TEKT1: variants seen among roughly 807,000 people sequenced by gnomAD.
TEKT1 encodes the protein tektin 1.
TEKT1 carries 32 observed loss-of-function variants against 34.8 expected under a neutral mutation model. That is an observed-to-expected ratio of 0.92 (90% CI 0.69 to 1.23). The LOEUF (loss-of-function observed/expected upper bound fraction) is 1.23. Ranked by LOEUF, TEKT1 falls within the 50% of genes most tolerant of loss-of-function variation. The probability of loss-of-function intolerance (pLI) is 0.00; values close to 1 mark genes in which losing one functional copy is unlikely to be tolerated. For synonymous variants in TEKT1, 207 were observed against 199.8 expected, an observed-to-expected ratio of 1.04 and a Z score of -0.30; for missense variants, 492 against 518.5, an observed-to-expected ratio of 0.95 and a Z score of 0.50.
At chr17:6,826,693 A>T (rs1204373972) in intron 2 of TEKT1, among the ~76,000 whole-genome samples, 2 of 146,058 alleles carry the variant, frequency 1.4e-5, no homozygotes, top group South Asian at 2.1e-4. Flanking sequence ...GGTTGGGATT[A>T]TTATTATTTT....
At chr17:6,821,666 AAGAC>A (rs1420415467) in intron 2 of TEKT1, among the ~76,000 whole-genome samples, 1 of 152,178 alleles carries the variant, frequency 6.6e-6, no homozygotes, top group Non-Finnish European at 1.5e-5. Context: ...GGCTCAGAAG[AAGAC>A]AGAAAGTTTT....
intron 2 of TEKT1, 89 bp from the exon 3 acceptor site, chr17:6,819,447 A>G: frequency 1.5e-6 from 2 of 1,340,866 alleles, no homozygotes; most frequent in Non-Finnish European, 1.0e-6. Flanking sequence ...TTGTAAAACC[A>G]CCTGTGACAT....
chr17:6,829,191 A>G (rs572437484), intron 2 of TEKT1, among the ~76,000 whole-genome samples: 1 of 152,322 alleles, frequency 6.6e-6, no homozygotes, highest in East Asian at 1.9e-4. Flanking sequence ...AGGAATTGTC[A>G]AGAGAAAATG....
intron 6 of TEKT1, among the ~76,000 whole-genome samples, chr17:6,806,399 G>A (rs548917093): frequency 6.6e-6 from 1 of 152,272 alleles, no homozygotes; most frequent in South Asian, 2.1e-4. Context: ...ACAGCACACT[G>A]ATGGGTCTTG....
intron 2 of TEKT1, among the ~76,000 whole-genome samples, chr17:6,824,397 C>T (rs1031486903): frequency 6.6e-6 from 1 of 152,106 alleles, no homozygotes; most frequent in African/African-American, 2.4e-5. Flanking sequence ...CTTCATCTCC[C>T]TCTCATCTTC....
At chr17:6,801,665 G>A (rs957920494) in intron 6 of TEKT1, among the ~76,000 whole-genome samples, 104 of 152,188 alleles carry the variant, frequency 6.8e-4, no homozygotes, top group Non-Finnish European at 1.2e-3. Flanking sequence ...CCAAGATCGT[G>A]CCACTGCACT....
intron 5 of TEKT1, among the ~76,000 whole-genome samples, chr17:6,813,311 C>T (rs1432580719): frequency 6.6e-6 from 1 of 151,920 alleles, no homozygotes; most frequent in East Asian, 1.9e-4. Flanking sequence ...TTTCTAATCC[C>T]CATTTTACAG....
chr17:6,813,638 C>G (rs1976959260), intron 5 of TEKT1, among the ~76,000 whole-genome samples: 1 of 150,286 alleles, frequency 6.7e-6, no homozygotes, highest in Non-Finnish European at 1.5e-5. Flanking sequence ...CAAAACCAAC[C>G]TATTACAAGT....
intron 2 of TEKT1, among the ~76,000 whole-genome samples, chr17:6,826,275 T>G (rs1173409702): frequency 2.0e-5 from 3 of 152,210 alleles, no homozygotes; most frequent in Non-Finnish European, 4.4e-5. Flanking sequence ...CTGTCAAGAT[T>G]TGTCCATTTG....
intron 6 of TEKT1, among the ~76,000 whole-genome samples, chr17:6,805,903 G>A (rs958804255): frequency 2.0e-5 from 3 of 152,128 alleles, no homozygotes; most frequent in Non-Finnish European, 4.4e-5. Context: ...GGTCAATTTT[G>A]GAATAAGTGC....
intron 2 of TEKT1, among the ~76,000 whole-genome samples, chr17:6,819,976 C>T (rs960210124): frequency 2.0e-5 from 3 of 152,232 alleles, no homozygotes; most frequent in African/African-American, 7.2e-5. Flanking sequence ...GTGTCAGCCA[C>T]TGCGCCAGGC....
At chr17:6,829,850 T>G (rs543756792) in intron 2 of TEKT1, among the ~76,000 whole-genome samples, 1 of 152,320 alleles carries the variant, frequency 6.6e-6, no homozygotes, top group South Asian at 2.1e-4. Flanking sequence ...ATGATTAATT[T>G]TTGTATCTTT....
chr17:6,826,964 T>G (rs531120647), intron 2 of TEKT1, among the ~76,000 whole-genome samples: 14 of 152,050 alleles, frequency 9.2e-5, no homozygotes, highest in South Asian at 2.1e-4. Context: ...CAAAGTGCTG[T>G]GATTACAGGT....
chr17:6,821,350 G>A (rs1182562816), intron 2 of TEKT1, among the ~76,000 whole-genome samples: 1 of 152,136 alleles, frequency 6.6e-6, no homozygotes, highest in East Asian at 1.9e-4. Flanking sequence ...AGTTTTATAA[G>A]GGTCTCTTCC....
chr17:6,810,513 T>C (rs1201983257), intron 6 of TEKT1, among the ~76,000 whole-genome samples: 4 of 152,194 alleles, frequency 2.6e-5, no homozygotes, highest in Non-Finnish European at 4.4e-5. Context: ...CATAAAATTA[T>C]ATTTTTAATG....
intron 6 of TEKT1, among the ~76,000 whole-genome samples, chr17:6,804,150 T>A (rs377664751): frequency 1.3e-4 from 20 of 152,134 alleles, no homozygotes; most frequent in Admixed American, 3.3e-4. Context: ...CAGTGGTTTG[T>A]AGTTCTCCTT....
intron 2 of TEKT1, among the ~76,000 whole-genome samples, chr17:6,821,339 T>C (rs1977087022): frequency 6.6e-6 from 1 of 152,190 alleles, no homozygotes; most frequent in Admixed American, 6.5e-5. Context: ...TGAGATCTGA[T>C]AGTTTTATAA....
intron 2 of TEKT1, among the ~76,000 whole-genome samples, chr17:6,822,113 G>A (rs1215393213): frequency 1.3e-5 from 2 of 152,242 alleles, no homozygotes; most frequent in East Asian, 3.9e-4. Context: ...AATGCTTCCT[G>A]GGCCAGGCCT....
chr17:6,800,217 G>A lies in TEKT1; in HGVS notation c.1067C>T (p.Ala356Val). Residue 356 changes from alanine (A) to valine (V), a missense_variant, in exon 8 of 8, where the codon GCC becomes GTC. Ala to Val is a moderately conservative substitution (Grantham distance 64). Transcript: ENST00000338694. Reference sequence around the variant, plus strand: ...CCCTTTCAGCTCTGCCTGAGCTTGGGCTAAAGTTTCCTTCAATCTAGGAGA... The same window carrying A: ...CCCTTTCAGCTCTGCCTGAGCTTGGACTAAAGTTTCCTTCAATCTAGGAGA... The part of the protein sequence containing the change: ...HNVARLKETL[A>V]QAQAELKGLH... 6.2e-7 allele frequency: 1 copy of A among 1,613,736 alleles called. No homozygotes were observed. Among genetic ancestry groups the A allele is most frequent in the Non-Finnish European group, 8.5e-7 (1 of 1,179,918 alleles).
Sources: gnomAD v4.1 joint callset for allele counts (sites outside exome capture counted in the v4.1 genomes callset) on GRCh38, gnomAD v4.1.1 for gene constraint, MANE v1.5 for transcripts, NCBI Gene and HGNC (gene_info 2026-07-23, HGNC 2026-07-21) for gene names.